Variants in TENM3 observed in about 807,000 individuals in gnomAD.
The protein encoded by TENM3 is teneurin transmembrane protein 3, also known as teneurin-3.
Under a neutral mutation model 255.1 loss-of-function variants are expected in TENM3, and 63 were observed. The observed-to-expected ratio is 0.25, with a 90% CI of 0.20 to 0.30. TENM3 has a LOEUF of 0.30. TENM3 is among the 10% of genes least tolerant of loss of function. The pLI, the probability that TENM3 is intolerant of heterozygous loss-of-function variation, is 1.00. For missense variants in TENM3, 2,929 were observed against 3,461.1 expected, an observed-to-expected ratio of 0.85 and a Z score of 3.86; for synonymous variants, 1,306 against 1,322.3, an observed-to-expected ratio of 0.99 and a Z score of 0.27.
At chr4:182,064,201 T>C in the TENM3 span, among the ~76,000 whole-genome samples, 1 of 132,624 alleles carries the variant, frequency 7.5e-6, no homozygotes, top group Non-Finnish European at 1.6e-5. Flanking sequence ...AAAAAAAAGG[T>C]AAAAGAAGGA....
At chr4:182,198,724 G>C (rs758179367) in intron 1 of TENM3, among the ~76,000 whole-genome samples, 2 of 152,158 alleles carry the variant, frequency 1.3e-5, no homozygotes, top group Non-Finnish European at 2.9e-5. Flanking sequence ...TTCAGCTCCT[G>C]GCTCAGGCCT....
At chr4:182,440,004 C>G (rs994891661) in intron 3 of TENM3, among the ~76,000 whole-genome samples, 4 of 152,060 alleles carry the variant, frequency 2.6e-5, no homozygotes, top group Non-Finnish European at 4.4e-5. Flanking sequence ...TACTCATTGC[C>G]TCTGAAATCT....
intron 3 of TENM3, among the ~76,000 whole-genome samples, chr4:182,513,370 A>C (rs1263996916): frequency 1.3e-5 from 2 of 152,208 alleles, no homozygotes; most frequent in African/African-American, 4.8e-5. Flanking sequence ...ACATACATAG[A>C]AAATGGAAAA....
the TENM3 span, among the ~76,000 whole-genome samples, chr4:181,560,835 A>T: frequency 1.8e-3 from 269 of 152,308 alleles, no homozygotes; most frequent in African/African-American, 6.2e-3. Flanking sequence ...TTCTCTGCTC[A>T]CGGTGCAGGG....
At chr4:181,953,548 G>C in the TENM3 span, among the ~76,000 whole-genome samples, 11 of 152,072 alleles carry the variant, frequency 7.2e-5, no homozygotes, top group East Asian at 2.1e-3. Flanking sequence ...TGAGGTAGGT[G>C]GTGGGTGCCT....
At chr4:182,178,830 T>G (rs1465213382) in intron 1 of TENM3, among the ~76,000 whole-genome samples, 4 of 152,200 alleles carry the variant, frequency 2.6e-5, no homozygotes, top group Non-Finnish European at 4.4e-5. Context: ...TGTTTGTATA[T>G]CAGCTTCTTA....
intron 22 of TENM3, among the ~76,000 whole-genome samples, chr4:182,771,504 G>C (rs910556225): frequency 1.3e-5 from 2 of 149,090 alleles, no homozygotes; most frequent in Non-Finnish European, 3.0e-5. Flanking sequence ...GAAATGGGGG[G>C]GGGGGAAATA....
intron 3 of TENM3, among the ~76,000 whole-genome samples, chr4:182,461,091 T>C (rs530733942): frequency 6.6e-6 from 1 of 152,326 alleles, no homozygotes; most frequent in East Asian, 1.9e-4. Context: ...AAAACCAGAT[T>C]TTTTGGATCT....
the TENM3 span, among the ~76,000 whole-genome samples, chr4:182,031,146 G>A: frequency 6.6e-6 from 1 of 152,074 alleles, no homozygotes; most frequent in African/African-American, 2.4e-5. Flanking sequence ...TGTCCTGAAT[G>A]GTATTTCCCA....
intron 3 of TENM3, among the ~76,000 whole-genome samples, chr4:182,438,612 A>G (rs542709225): frequency 3.5e-4 from 54 of 152,196 alleles, no homozygotes; most frequent in Non-Finnish European, 7.2e-4. Context: ...AATTTGCCCA[A>G]CAACCACTGT....
the TENM3 span, among the ~76,000 whole-genome samples, chr4:181,533,033 A>G: frequency 2.0e-5 from 3 of 152,296 alleles, no homozygotes; most frequent in African/African-American, 7.2e-5. Flanking sequence ...ACGTGAAGAC[A>G]TGGCTTTTCT....
chr4:181,902,904 G>A, the TENM3 span, among the ~76,000 whole-genome samples: 12 of 152,186 alleles, frequency 7.9e-5, no homozygotes, highest in Middle Eastern at 6.3e-3. Flanking sequence ...GTGATGAGGT[G>A]AAGATTAACT....
In TENM3 at chr4:182,757,307, G is replaced by A. The variant is rs544445988; in HGVS notation, c.4892+2048G>A. Among the ~76,000 whole-genome samples the A allele has an allele frequency of 6.8e-3, 542 of 80,100 alleles. 4 individuals carry two copies. Among genetic ancestry groups the A allele is most frequent in the Middle Eastern group, 0.043 (4 of 92 alleles). The allele number at this position is 80,100 out of a possible 152,430, so 52.5% of individuals were successfully genotyped here. ...AGCCTGGGTGACAGAGTGAGACTCC[G>A]TCTCAAAAAAAAAAAAAAAAAAAAA... On this transcript the variant is annotated intron_variant, in intron 22 of 27. Transcript: ENST00000511685.
the TENM3 span, among the ~76,000 whole-genome samples, chr4:182,093,655 G>A: frequency 2.0e-5 from 3 of 152,250 alleles, no homozygotes; most frequent in South Asian, 6.2e-4. Flanking sequence ...CTAAAATGGG[G>A]AAGGTTTTGC....
chr4:182,516,848 G>T (rs747949855), intron 3 of TENM3, among the ~76,000 whole-genome samples: 5 of 150,714 alleles, frequency 3.3e-5, no homozygotes, highest in Non-Finnish European at 5.9e-5. Flanking sequence ...CTGAGATCAT[G>T]CCACTGCACT....
the TENM3 span, among the ~76,000 whole-genome samples, chr4:181,888,494 G>GTATATATATGTATGTATATATATA: frequency 1.1e-4 from 3 of 28,242 alleles, no homozygotes; most frequent in African/African-American, 3.4e-4. Flanking sequence ...ATAGAAATGT[G>GTATATATATGTATGTATATATATA]TATATATATA....
At chr4:181,927,870 G>A in the TENM3 span, among the ~76,000 whole-genome samples, 1 of 152,168 alleles carries the variant, frequency 6.6e-6, no homozygotes, top group Non-Finnish European at 1.5e-5. Flanking sequence ...CTCGTCTGGT[G>A]ATACCCAGGC....
intron 7 of TENM3, 61 bp from the exon 8 acceptor site, chr4:182,679,605 A>C (rs1755956298): frequency 1.5e-6 from 2 of 1,367,604 alleles, no homozygotes. Flanking sequence ...AAGAGAAAAA[A>C]AAAAAGAGAG....
chr4:181,469,977 G>A, the TENM3 span, among the ~76,000 whole-genome samples: 1 of 151,590 alleles, frequency 6.6e-6, no homozygotes, highest in African/African-American at 2.4e-5. Flanking sequence ...CACTCCGGTC[G>A]ACATGATTCA....
Sources: gnomAD v4.1 joint callset for allele counts (sites outside exome capture counted in the v4.1 genomes callset) on GRCh38, gnomAD v4.1.1 for gene constraint, MANE v1.5 for transcripts, NCBI Gene and HGNC (gene_info 2026-07-23, HGNC 2026-07-21) for gene names.